Variants in C4orf51 observed in about 807,000 individuals in gnomAD.
The protein encoded by C4orf51 is uncharacterized protein C4orf51.
Under a neutral mutation model 25.2 loss-of-function variants are expected in C4orf51, and 25 were observed. The ratio of observed to expected loss-of-function variants is 0.99; its 90% CI spans 0.72 to 1.39. C4orf51 has a LOEUF of 1.39. Among genes scored for constraint, C4orf51 ranks in the 40% most tolerant of loss-of-function variants. The pLI, the probability that C4orf51 is intolerant of heterozygous loss-of-function variation, is 0.00. For synonymous variants in C4orf51, 100 were observed against 84.5 expected (o/e 1.18, Z -1.01); for missense variants, 252 against 239.6 (o/e 1.05, Z -0.34).
chr4:145,764,849 G>A (rs766197992), intron 1 of C4orf51: 11 of 1,124,448 alleles, frequency 9.8e-6, no homozygotes, highest in East Asian at 2.4e-5. Context: ...AAGGCAGCAG[G>A]GGTTCCTGAC....
the C4orf51 span, among the ~76,000 whole-genome samples, chr4:145,784,221 A>G: frequency 2.6e-5 from 4 of 152,376 alleles, no homozygotes; most frequent in African/African-American, 9.6e-5. Flanking sequence ...ATTTCTTGAT[A>G]GCACTGCAGG....
At chr4:145,776,493 CA>C in the C4orf51 span, among the ~76,000 whole-genome samples, 1 of 150,756 alleles carries the variant, frequency 6.6e-6, no homozygotes, top group South Asian at 2.1e-4. Context: ...AGTCCCAGGG[CA>C]ACTAGAATAG....
the C4orf51 span, chr4:145,776,033 G>A: frequency 1.1e-5 from 17 of 1,550,896 alleles, no homozygotes; most frequent in East Asian, 1.8e-4. Flanking sequence ...GCAAGAATCA[G>A]TTAAAGGTAT....
At chr4:145,749,973 T>C (rs916852854) in intron 1 of C4orf51, among the ~76,000 whole-genome samples, 2 of 152,152 alleles carry the variant, frequency 1.3e-5, no homozygotes, top group African/African-American at 2.4e-5. Flanking sequence ...TTAACACTGT[T>C]AGCCTAAAAA....
At chr4:145,747,019 A>G (rs1325726811) in intron 1 of C4orf51, among the ~76,000 whole-genome samples, 2 of 152,072 alleles carry the variant, frequency 1.3e-5, no homozygotes, top group Non-Finnish European at 2.9e-5. Context: ...TGCTGTTGGC[A>G]TATAGAAATG....
At chr4:145,779,767 C>G in the C4orf51 span, among the ~76,000 whole-genome samples, 1 of 152,250 alleles carries the variant, frequency 6.6e-6, no homozygotes, top group Non-Finnish European at 1.5e-5. Context: ...GACCAGCCAA[C>G]TAACCCTCTA....
intron 1 of C4orf51, among the ~76,000 whole-genome samples, chr4:145,745,186 A>G (rs1244821441): frequency 1.3e-5 from 2 of 152,236 alleles, no homozygotes; most frequent in African/African-American, 4.8e-5. Context: ...TGGGGTATCC[A>G]TCACCCAAGC....
chr4:145,682,703 T>C (rs931897649), intron 1 of C4orf51, among the ~76,000 whole-genome samples: 1 of 152,160 alleles, frequency 6.6e-6, no homozygotes, highest in Non-Finnish European at 1.5e-5. Context: ...GATATGTAAA[T>C]TTATAAACGT....
chr4:145,771,327 A>C (rs78116824), downstream of C4orf51, among the ~76,000 whole-genome samples: 7,301 of 152,228 alleles, frequency 0.048, 572 homozygotes, highest in African/African-American at 0.17. Flanking sequence ...AAATCCTTCT[A>C]GCTCTGGAAG....
rs187937977 is a variant in C4orf51 at position 145,703,637 on chromosome 4, A to G, written c.307+7005A>G. Among the ~76,000 whole-genome samples the G allele has an allele frequency of 1.8e-3, 276 of 152,302 alleles. 2 individuals are homozygous for G. The highest frequency in any genetic ancestry group is 6.4e-3 in the African/African-American group (267 of 41,562). On this transcript the variant is annotated intron_variant, in intron 2 of 5. Coordinates refer to ENST00000438731, the MANE Select transcript of C4orf51 (RefSeq NM_001080531.3). ...AGTTCCATTTGTTTATTTTTGCTTT[A>G]GTAAACTTTGCTATTGATGTTATAT...
chr4:145,725,682 C>T (rs1367927184), intron 2 of C4orf51, among the ~76,000 whole-genome samples: 1 of 151,856 alleles, frequency 6.6e-6, no homozygotes, highest in Non-Finnish European at 1.5e-5. Flanking sequence ...GTCAGACATA[C>T]AAGATCACAT....
chr4:145,701,157 A>T (rs1331120217), intron 2 of C4orf51, among the ~76,000 whole-genome samples: 1 of 152,008 alleles, frequency 6.6e-6, no homozygotes, highest in Non-Finnish European at 1.5e-5. Flanking sequence ...TCTGCTCCCA[A>T]CATTAAACTC....
Position 145,763,338 on chromosome 4 carries a change from C to G in C4orf51, n.167-7650C>G, listed in dbSNP as rs1734809608. ...CTCCCGTTATTTTCTTAAAGACACT[C>G]TCTCAGGCAAATTAATTCTCTGATA... On this transcript the variant is annotated intron_variant and non_coding_transcript_variant, in intron 1 of 1. Coordinates refer to the C4orf51 transcript ENST00000510096. The surrounding 1 kb of genome is among the most constrained non-coding windows in gnomAD (Gnocchi z 4.6). 6.6e-6 allele frequency among the ~76,000 whole-genome samples: 1 copy of G among 152,364 alleles called. No homozygotes were observed. Among genetic ancestry groups the G allele is most frequent in the East Asian group, 1.9e-4 (1 of 5,192 alleles).
rs1471492152 is a variant in C4orf51, at chr4:145,732,740, T to C, written c.*180T>C. 2 of 487,884 alleles carry C rather than the reference T, an allele frequency of 4.1e-6. No individual in the cohort carries two copies. Among genetic ancestry groups the C allele is most frequent in the Non-Finnish European group, 7.3e-6 (2 of 275,836 alleles). The allele number at this position is 487,884 out of a possible 1,614,324, so 30.2% of individuals were successfully genotyped here. A position where few individuals can be genotyped will look rare whatever the true frequency, so the allele number is the denominator to read the frequency against. On this transcript the variant is annotated 3_prime_UTR_variant, in exon 6 of 6. Transcript: ENST00000438731. Reference sequence around the variant, plus strand: ...ATTTATCAGTTTTTTCCCTTTTTAATTGGTGGAGAGAGACAAAAGTTTTTA... The same window carrying C: ...ATTTATCAGTTTTTTCCCTTTTTAACTGGTGGAGAGAGACAAAAGTTTTTA...
At chr4:145,783,211 A>G in the C4orf51 span, among the ~76,000 whole-genome samples, 6 of 152,224 alleles carry the variant, frequency 3.9e-5, no homozygotes, top group African/African-American at 1.4e-4. Context: ...GCATTAGCAC[A>G]ATCTCTGCTA....
chr4:145,758,999 T>G (rs950179010), downstream of C4orf51: 1 of 152,216 alleles, frequency 6.6e-6, no homozygotes, highest in African/African-American at 2.4e-5. Flanking sequence ...GCAAACTGAC[T>G]AGAGGAAGAA....
intron 1 of C4orf51, among the ~76,000 whole-genome samples, chr4:145,691,927 C>G (rs955251060): frequency 6.6e-6 from 1 of 152,196 alleles, no homozygotes; most frequent in Non-Finnish European, 1.5e-5. Context: ...AAAAAAAAGC[C>G]TACTAAATGT....
chr4:145,732,586 G>A lies in C4orf51; in HGVS notation c.*26G>A, dbSNP rs773591208. ...GTTGGAAAATGAAGCCACAAGGCTG[G>A]AGGCGTGGAGTTTGCTTAATAAACA... On this transcript the variant is annotated 3_prime_UTR_variant, in exon 6 of 6. Transcript: ENST00000438731. 9.1e-6 allele frequency: 14 copies of A among 1,530,350 alleles called. No individual in the cohort carries two copies. The Admixed American group carries it at 1.7e-4, about 19-fold the overall frequency. The allele number at this position is 1,530,350 out of a possible 1,614,324, so 94.8% of individuals were successfully genotyped here. A position where few individuals can be genotyped will look rare whatever the true frequency, so the allele number is the denominator to read the frequency against.
chr4:145,740,303 G>A (rs150155029), intron 1 of C4orf51, among the ~76,000 whole-genome samples: 1,630 of 116,632 alleles, frequency 0.014, 37 homozygotes, highest in African/African-American at 0.048. Flanking sequence ...ACAATGTGAG[G>A]TTTTCAAAAC....
Sources: allele counts gnomAD v4.1 joint callset (sites outside exome capture counted in the v4.1 genomes callset), GRCh38; gene constraint gnomAD v4.1.1; non-coding constraint Gnocchi (gnomAD v3.1); transcripts MANE v1.5; gene names NCBI Gene and HGNC (gene_info 2026-07-23, HGNC 2026-07-21).